The following PLA2G5 variants were observed in gnomAD, a reference collection of about 807,000 sequenced individuals.
The protein encoded by PLA2G5 is Ca2+-dependent phospholipase A2.
PLA2G5 carries 12 observed loss-of-function variants against 15.9 expected under a neutral mutation model. That is an observed-to-expected ratio of 0.76 (90% CI 0.48 to 1.23). PLA2G5 has a LOEUF of 1.23. PLA2G5 is among the 50% of genes most tolerant of loss of function. The pLI, the probability that PLA2G5 is intolerant of heterozygous loss-of-function variation, is 0.00. For missense variants in PLA2G5, 169 were observed against 177.1 expected (o/e 0.95, Z 0.26); for synonymous variants, 71 against 71.4 (o/e 0.99, Z 0.03).
intron 1 of PLA2G5, among the ~76,000 whole-genome samples, chr1:20,033,313 G>A (rs1360110931): frequency 1.3e-5 from 2 of 152,218 alleles, no homozygotes; most frequent in East Asian, 3.8e-4. Flanking sequence ...GAAGTGGGAG[G>A]AGAGGGAGTC....
intron 2 of PLA2G5, among the ~76,000 whole-genome samples, chr1:20,061,269 A>G (rs1355638307): frequency 6.6e-6 from 1 of 152,078 alleles, no homozygotes; most frequent in East Asian, 1.9e-4. Flanking sequence ...CCCTGGCCTG[A>G]CTGCCCCACT....
chr1:20,091,495 GA>G lies in PLA2G5; in HGVS notation c.*805del, dbSNP rs2100657964. 6.6e-6 allele frequency among the ~76,000 whole-genome samples: 1 copy of G among 152,274 alleles called. No homozygotes were observed. Among genetic ancestry groups the G allele is most frequent in the Admixed American group, 6.5e-5 (1 of 15,302 alleles). ...GCTGTGTGGTCTTGGACCCGTTACT[GA>G]ACCTCTTTGACTTTCAGTCTCTTTG... On this transcript the variant is annotated 3_prime_UTR_variant, in exon 5 of 5. Coordinates refer to ENST00000375108, the MANE Select transcript of PLA2G5 (RefSeq NM_000929.3).
At chr1:20,073,026 T>C (rs1256089920) in intron 1 of PLA2G5, among the ~76,000 whole-genome samples, 1 of 152,164 alleles carries the variant, frequency 6.6e-6, no homozygotes, top group Non-Finnish European at 1.5e-5. Context: ...TGGAGCGGCC[T>C]TGAATTGTAG....
chr1:20,054,152 C>T (rs959501358), intron 1 of PLA2G5, among the ~76,000 whole-genome samples: 3 of 152,182 alleles, frequency 2.0e-5, no homozygotes, highest in Non-Finnish European at 4.4e-5. Context: ...TGACAGTTAC[C>T]TTCTTCAAGG....
chr1:20,080,778 TGAG>T (rs888937976), intron 1 of PLA2G5, among the ~76,000 whole-genome samples: 4 of 151,920 alleles, frequency 2.6e-5, no homozygotes, highest in Middle Eastern at 6.8e-3. Flanking sequence ...TCTGTGGGCC[TGAG>T]GACGGAGAAA....
chr1:20,033,118 T>C (rs2013056718), intron 1 of PLA2G5, among the ~76,000 whole-genome samples: 1 of 152,226 alleles, frequency 6.6e-6, no homozygotes, highest in Admixed American at 6.5e-5. Context: ...GATGGGCAAC[T>C]AGCTCCTCTT....
intron 1 of PLA2G5, among the ~76,000 whole-genome samples, chr1:20,038,428 G>A (rs1262895481): frequency 6.6e-6 from 1 of 152,154 alleles, no homozygotes; most frequent in Non-Finnish European, 1.5e-5. Context: ...TGGCTTTCCT[G>A]GGGATCAGGA....
chr1:20,056,379 A>C (rs1199436235), intron 1 of PLA2G5, among the ~76,000 whole-genome samples: 1 of 152,024 alleles, frequency 6.6e-6, no homozygotes, highest in Non-Finnish European at 1.5e-5. Flanking sequence ...GAACTCAATG[A>C]AAGTTCCTTT....
intron 1 of PLA2G5, among the ~76,000 whole-genome samples, chr1:20,079,651 G>A (rs1470582780): frequency 6.6e-6 from 1 of 152,162 alleles, no homozygotes; most frequent in Non-Finnish European, 1.5e-5. Context: ...GAGCCATTGT[G>A]CCTGACCCAC....
At chr1:20,059,358 A>G (rs573696534) in intron 1 of PLA2G5, among the ~76,000 whole-genome samples, 1 of 151,952 alleles carries the variant, frequency 6.6e-6, no homozygotes, top group Non-Finnish European at 1.5e-5. Flanking sequence ...AGCCTAGGAC[A>G]TCATGGCTGC....
rs147306036 is a variant in PLA2G5 at position 20,064,765 on chromosome 1, G to T, written n.338-4108G>T. On this transcript the variant is annotated intron_variant and non_coding_transcript_variant, in intron 2 of 6. Coordinates refer to the PLA2G5 transcript ENST00000460175. ...AAAAGAAAGAAAACAGAGTACAAAG[G>T]GTGGAGTCTGGGTCTCCAGTCTTGT... Among the ~76,000 whole-genome samples the T allele has an allele frequency of 2.7e-3, 410 of 152,130 alleles. 2 individuals carry two copies. Among genetic ancestry groups the T allele is most frequent in the African/African-American group, 8.5e-3 (352 of 41,506 alleles).
At chr1:20,042,329 T>C (rs1362161804) in intron 1 of PLA2G5, among the ~76,000 whole-genome samples, 3 of 151,996 alleles carry the variant, frequency 2.0e-5, no homozygotes, top group African/African-American at 2.4e-5. Flanking sequence ...GAAGGAAATA[T>C]GGGGAAATGG....
intron 1 of PLA2G5, among the ~76,000 whole-genome samples, chr1:20,038,050 C>T (rs1402875688): frequency 1.3e-5 from 2 of 152,142 alleles, no homozygotes; most frequent in Non-Finnish European, 2.9e-5. Context: ...CAGTGACAGG[C>T]TTCACCCAGT....
At position 20,064,295 on chromosome 1, in the gene PLA2G5, C is replaced by T. The variant is rs964806726; in HGVS notation, n.338-4578C>T. On this transcript the variant is annotated intron_variant and non_coding_transcript_variant, in intron 2 of 6. Coordinates refer to the PLA2G5 transcript ENST00000460175. ...CTTATTTAGAAAACAGAATACAGAC[C>T]GGGTGTGGTGGCTCATGCCTATAAT... Among the ~76,000 whole-genome samples the T allele has an allele frequency of 3.3e-5, 5 of 152,172 alleles. No individual in the cohort carries two copies. The East Asian group carries it at 5.8e-4, about 18-fold the overall frequency.
chr1:20,061,201 A>C (rs2014708582), intron 2 of PLA2G5, among the ~76,000 whole-genome samples: 1 of 152,060 alleles, frequency 6.6e-6, no homozygotes, highest in Non-Finnish European at 1.5e-5. Flanking sequence ...AGCATACTTC[A>C]TGCTGTTTTC....
intron 1 of PLA2G5, among the ~76,000 whole-genome samples, chr1:20,049,914 T>C (rs1044688421): frequency 6.6e-6 from 1 of 152,212 alleles, no homozygotes; most frequent in Non-Finnish European, 1.5e-5. Context: ...TCAGCTCACA[T>C]AAGTTTTTTC....
chr1:20,031,747 T>A (rs1305557031), intron 1 of PLA2G5, among the ~76,000 whole-genome samples: 1 of 152,088 alleles, frequency 6.6e-6, no homozygotes, highest in African/African-American at 2.4e-5. Flanking sequence ...AGAAAGGATG[T>A]TAGCTTTCCC....
In PLA2G5 at chr1:20,089,883, G is replaced by T. The variant is rs752087893; in HGVS notation, c.280G>T (p.Val94Leu). The T allele has an allele frequency of 3.1e-6, 5 of 1,612,490 alleles. No homozygotes were observed. Among genetic ancestry groups the T allele is most frequent in the Non-Finnish European group, 4.2e-6 (5 of 1,178,834 alleles). ...CTACAAATACAGATTCGCGTGGGGC[G>T]TGGTCACCTGCGGTAAGGCTGGGGC... ...QSYKYRFAWG[V>L]VTCEPGPFCH... The change falls in exon 4 of 5, where the codon GTG becomes TTG. Residue 94 changes from valine (V) to leucine (L), a missense_variant. Coordinates refer to ENST00000375108, the MANE Select transcript of PLA2G5 (RefSeq NM_000929.3).
intron 1 of PLA2G5, among the ~76,000 whole-genome samples, chr1:20,074,135 G>C (rs2015537557): frequency 6.6e-6 from 1 of 152,154 alleles, no homozygotes; most frequent in African/African-American, 2.4e-5. Context: ...AAAGAATCAA[G>C]GACTAAGTAT....
Sources: allele counts gnomAD v4.1 joint callset (sites outside exome capture counted in the v4.1 genomes callset), GRCh38; gene constraint gnomAD v4.1.1; transcripts MANE v1.5; gene names NCBI Gene and HGNC (gene_info 2026-07-23, HGNC 2026-07-21).